Variants in PHF24 observed in about 807,000 individuals in gnomAD.
The protein encoded by PHF24 is Galpha inhibitory interacting protein.
A neutral mutation model predicts 42.6 loss-of-function variants in PHF24; 25 were observed. The observed-to-expected ratio is 0.59, with a 90% CI of 0.43 to 0.82. The LOEUF is 0.82. PHF24 is among the 40% of genes least tolerant of loss of function. PHF24 has a pLI of 0.00. For missense variants in PHF24, 470 were observed against 538.1 expected, an observed-to-expected ratio of 0.87 and a Z score of 1.25; for synonymous variants, 185 against 204.8, an observed-to-expected ratio of 0.90 and a Z score of 0.83.
the PHF24 span, among the ~76,000 whole-genome samples, chr9:34,794,136 T>C: frequency 6.6e-6 from 1 of 152,080 alleles, no homozygotes; most frequent in Non-Finnish European, 1.5e-5. Flanking sequence ...GATCTGACTA[T>C]AAACAGCACT....
the PHF24 span, among the ~76,000 whole-genome samples, chr9:34,753,516 C>T: frequency 1.3e-5 from 2 of 151,950 alleles, no homozygotes; most frequent in South Asian, 4.1e-4. Context: ...AAAATATATT[C>T]CATGCTCATG....
At chr9:34,889,094 A>G in the PHF24 span, 1 of 398,626 alleles carries the variant, frequency 2.5e-6, no homozygotes, top group Non-Finnish European at 4.4e-6. Flanking sequence ...GTATATTTGG[A>G]GAATGCCCTG....
the PHF24 span, among the ~76,000 whole-genome samples, chr9:34,912,237 T>A: frequency 1.3e-5 from 2 of 152,082 alleles, no homozygotes; most frequent in African/African-American, 4.8e-5. Flanking sequence ...GAAGAGTGTG[T>A]GTGGGTGGAT....
the PHF24 span, among the ~76,000 whole-genome samples, chr9:34,769,335 G>T: frequency 2.0e-5 from 3 of 152,034 alleles, no homozygotes; most frequent in Admixed American, 6.6e-5. Flanking sequence ...TGGCCAGGCT[G>T]GTCTTGAACT....
chr9:34,794,453 A>G, the PHF24 span, among the ~76,000 whole-genome samples: 959 of 152,344 alleles, frequency 6.3e-3, 8 homozygotes, highest in Middle Eastern at 0.037. Context: ...GAAACCAGGA[A>G]AAGCTCAACT....
At chr9:34,665,771 A>ATCTGAGGC in the PHF24 span, 3 of 662,612 alleles carry the variant, frequency 4.5e-6, no homozygotes, top group East Asian at 5.4e-5. Flanking sequence ...TTCTCAGGTA[A>ATCTGAGGC]TCTGAGGCTG....
chr9:34,775,525 T>A, the PHF24 span, among the ~76,000 whole-genome samples: 1 of 152,292 alleles, frequency 6.6e-6, no homozygotes, highest in East Asian at 1.9e-4. Context: ...TCAACAATGA[T>A]TAAAATGGCA....
chr9:34,868,402 T>C, the PHF24 span, among the ~76,000 whole-genome samples: 2 of 152,228 alleles, frequency 1.3e-5, no homozygotes, highest in Non-Finnish European at 2.9e-5. Context: ...TCCTGTTCTC[T>C]ATGAAAAACT....
chr9:34,880,216 G>A, the PHF24 span, among the ~76,000 whole-genome samples: 2 of 152,160 alleles, frequency 1.3e-5, no homozygotes, highest in Admixed American at 6.5e-5. Flanking sequence ...AACATGGAAA[G>A]GAACAACCGG....
At chr9:34,807,919 C>G in the PHF24 span, among the ~76,000 whole-genome samples, 1 of 151,920 alleles carries the variant, frequency 6.6e-6, no homozygotes, top group Non-Finnish European at 1.5e-5. Context: ...ATGTAAGTAC[C>G]ACTTCCTTAG....
chr9:34,949,850 G>T, the PHF24 span, among the ~76,000 whole-genome samples: 1 of 151,870 alleles, frequency 6.6e-6, no homozygotes, highest in Non-Finnish European at 1.5e-5. Context: ...GGCCTCTCGG[G>T]GGTAGGGGGA....
At chr9:34,786,923 T>C in the PHF24 span, among the ~76,000 whole-genome samples, 1 of 146,294 alleles carries the variant, frequency 6.8e-6, no homozygotes, top group East Asian at 2.2e-4. Flanking sequence ...TCTTGTTCCT[T>C]ACCCTTACAG....
At chr9:34,805,405 A>C in the PHF24 span, among the ~76,000 whole-genome samples, 3 of 152,206 alleles carry the variant, frequency 2.0e-5, no homozygotes, top group African/African-American at 7.2e-5. Context: ...CATCCCAGTG[A>C]GTATGAAGTG....
the PHF24 span, among the ~76,000 whole-genome samples, chr9:34,715,600 A>G: frequency 6.6e-6 from 1 of 152,222 alleles, no homozygotes; most frequent in African/African-American, 2.4e-5. Flanking sequence ...TGAGCTCCTG[A>G]GAGAAACTGG....
At chr9:34,691,057 C>T in the PHF24 span, 8 of 1,571,204 alleles carry the variant, frequency 5.1e-6, no homozygotes, top group South Asian at 9.4e-5. Context: ...CAGCCCCCCA[C>T]TGCCTCTGAC....
In PHF24 at chr9:34,968,224, C is replaced by T. The variant is rs551256888; in HGVS notation, c.-4-3071C>T. Among the ~76,000 whole-genome samples, 375 of 152,194 alleles carry T rather than the reference C, an allele frequency of 2.5e-3. 2 individuals carry two copies. The highest frequency in any genetic ancestry group is 7.9e-3 in the African/African-American group (328 of 41,516). ...CCGTGTTGTTTAGTCTTTCGTGGTACGTAATTTATTTCCCTATTGCTTAAT... is the reference window on the plus strand; with the variant it reads ...CCGTGTTGTTTAGTCTTTCGTGGTATGTAATTTATTTCCCTATTGCTTAAT... On this transcript the variant is annotated intron_variant, in intron 1 of 7. Transcript: ENST00000242315.
chr9:34,941,732 G>A, the PHF24 span, among the ~76,000 whole-genome samples: 1 of 152,050 alleles, frequency 6.6e-6, no homozygotes, highest in African/African-American at 2.4e-5. Context: ...CATGGTGGAC[G>A]CCTTCCACCA....
chr9:34,868,067 C>T, the PHF24 span, among the ~76,000 whole-genome samples: 1 of 152,098 alleles, frequency 6.6e-6, no homozygotes, highest in Non-Finnish European at 1.5e-5. Flanking sequence ...TTGTAGCTCT[C>T]CTCTGTGATC....
At chr9:34,801,357 CA>C in the PHF24 span, among the ~76,000 whole-genome samples, 1 of 152,168 alleles carries the variant, frequency 6.6e-6, no homozygotes, top group Admixed American at 6.5e-5. Flanking sequence ...ATGTTTATTG[CA>C]GCACTATTTA....
Sources: allele counts gnomAD v4.1 joint callset (sites outside exome capture counted in the v4.1 genomes callset), GRCh38; gene constraint gnomAD v4.1.1; transcripts MANE v1.5; gene names NCBI Gene and HGNC (gene_info 2026-07-23, HGNC 2026-07-21).